The following HOOK3 variants were observed in gnomAD, a reference collection of about 807,000 sequenced individuals.
HOOK3 encodes protein Hook homolog 3.
A neutral mutation model predicts 116.3 loss-of-function variants in HOOK3; 24 were observed. The observed-to-expected ratio is 0.21, with a 90% CI of 0.15 to 0.29. HOOK3 has a LOEUF of 0.29. Among genes scored for constraint, HOOK3 ranks in the 10% least tolerant of loss-of-function variants. The pLI, the probability that HOOK3 is intolerant of heterozygous loss-of-function variation, is 1.00. For synonymous variants in HOOK3, 275 were observed against 283.0 expected (o/e 0.97, Z 0.28); for missense variants, 632 against 830.2 (o/e 0.76, Z 2.93).
chr8:42,947,780 T>G (rs1265200227), intron 5 of HOOK3, among the ~76,000 whole-genome samples: 1 of 152,196 alleles, frequency 6.6e-6, no homozygotes, highest in Non-Finnish European at 1.5e-5. Context: ...ATGAGATACT[T>G]AGCCTGTGTT....
intron 15 of HOOK3, among the ~76,000 whole-genome samples, chr8:42,994,253 T>C (rs1183285695): frequency 1.3e-5 from 2 of 152,062 alleles, no homozygotes; most frequent in Non-Finnish European, 2.9e-5. Context: ...TAACCTCAAG[T>C]GATCCACCCA....
chr8:42,941,332 G>A (rs375452959), intron 4 of HOOK3, among the ~76,000 whole-genome samples: 5 of 150,266 alleles, frequency 3.3e-5, no homozygotes, highest in Non-Finnish European at 7.4e-5. Flanking sequence ...TGGCTAACAC[G>A]GTGAAACCCC....
intron 13 of HOOK3, among the ~76,000 whole-genome samples, chr8:42,982,177 C>T (rs1808961952): frequency 1.3e-5 from 2 of 150,118 alleles, no homozygotes; most frequent in African/African-American, 4.9e-5. Flanking sequence ...ATTGCCTGAC[C>T]CCAGGAGGCA....
Position 43,023,775 on chromosome 8 carries a change from G to A in HOOK3, c.*5277G>A, listed in dbSNP as rs1050974718. ...TGCCCCAGCCTCCTATTTCCTTTTC[G>A]AAAGTAGCAGTTTGGTTTATTCTCG... is the stretch of plus-strand genomic sequence containing the variant. On this transcript the variant is annotated 3_prime_UTR_variant, in exon 22 of 22. Coordinates refer to ENST00000307602, the MANE Select transcript of HOOK3 (RefSeq NM_032410.4). 7 of 197,048 alleles carry A rather than the reference G, an allele frequency of 3.6e-5. No homozygotes were observed. In the East Asian group the frequency reaches 3.9e-4, roughly 11 times the overall value. 12.2% of individuals were successfully genotyped at this position (197,048 alleles called of 1,614,324 possible).
In HOOK3 at chr8:43,025,601, A is replaced by G; in HGVS notation, c.*7103A>G. The G allele has an allele frequency of 4.8e-6, 1 of 210,490 alleles. No homozygotes were observed. The highest frequency in any genetic ancestry group is 9.6e-6 in the Non-Finnish European group (1 of 103,678). 13.0% of individuals were successfully genotyped at this position (210,490 alleles called of 1,614,324 possible). A position where few individuals can be genotyped will look rare whatever the true frequency, so the allele number is the denominator to read the frequency against. ...TTAACTAGGTGCATAATGTAGTTGT[A>G]TATGTTTACTAGTAAAGGGAAAAAC... On this transcript the variant is annotated 3_prime_UTR_variant, in exon 22 of 22. Coordinates refer to ENST00000307602, the MANE Select transcript of HOOK3 (RefSeq NM_032410.4).
intron 1 of HOOK3, among the ~76,000 whole-genome samples, chr8:42,903,140 C>T (rs1291889473): frequency 2.0e-5 from 3 of 152,130 alleles, no homozygotes; most frequent in Admixed American, 6.6e-5. Flanking sequence ...TATTGCACCT[C>T]TACCAGGTGT....
intron 2 of HOOK3, among the ~76,000 whole-genome samples, chr8:42,916,825 C>T (rs575087789): frequency 6.6e-6 from 1 of 152,192 alleles, no homozygotes; most frequent in Admixed American, 6.5e-5. Context: ...ATAACAAAGG[C>T]CAAATGGAGC....
chr8:43,006,099 CA>C (rs1809482784), intron 17 of HOOK3, among the ~76,000 whole-genome samples: 1 of 151,842 alleles, frequency 6.6e-6, no homozygotes, highest in Admixed American at 6.6e-5. Context: ...CGGCTCACTG[CA>C]AGCTCCGCCT....
At position 42,992,447 on chromosome 8, in the gene HOOK3, G is replaced by A. The variant is rs866897291; in HGVS notation, c.1533-5103G>A. Among the ~76,000 whole-genome samples, 4 of 147,916 alleles carry A rather than the reference G, an allele frequency of 2.7e-5. No individual in the cohort carries two copies. The South Asian group carries it at 6.4e-4, about 24-fold the overall frequency. On this transcript the variant is annotated intron_variant, in intron 15 of 21. Coordinates refer to ENST00000307602, the MANE Select transcript of HOOK3 (RefSeq NM_032410.4). ...AGTTACTGATTTTTGGCCAGGTGCG[G>A]TGGCTCTTCCCTGTAATCCCAGCAC...
chr8:42,941,083 A>C (rs1385922473), intron 4 of HOOK3, among the ~76,000 whole-genome samples: 1 of 151,896 alleles, frequency 6.6e-6, no homozygotes, highest in Non-Finnish European at 1.5e-5. Context: ...AGTAGCTAGG[A>C]CCACAGTCTC....
chr8:42,965,537 G>A (rs558807170), intron 9 of HOOK3, among the ~76,000 whole-genome samples: 2 of 152,228 alleles, frequency 1.3e-5, no homozygotes, highest in East Asian at 1.9e-4. Context: ...AAGATAAGAC[G>A]GAAGCACAAA....
Position 42,939,941 on chromosome 8 carries a change from C to T in HOOK3, c.268-3372C>T, listed in dbSNP as rs1473887216. ...AGATGGGATGGCGGCCGGGAAGAGGCGCTCCTCACTTCCTAGATGGGATGG... is the reference window on the plus strand; with the variant it reads ...AGATGGGATGGCGGCCGGGAAGAGGTGCTCCTCACTTCCTAGATGGGATGG... On this transcript the variant is annotated intron_variant, in intron 4 of 21. Coordinates refer to ENST00000307602, the MANE Select transcript of HOOK3 (RefSeq NM_032410.4). Among the ~76,000 whole-genome samples, 13 of 150,882 alleles carry T rather than the reference C, an allele frequency of 8.6e-5. No homozygotes were observed. In the South Asian group the frequency reaches 1.5e-3, roughly 17 times the overall value.
At chr8:42,934,040 C>CTTA (rs778632422) in intron 4 of HOOK3, among the ~76,000 whole-genome samples, 1 of 151,796 alleles carries the variant, frequency 6.6e-6, no homozygotes, top group African/African-American at 2.4e-5. Flanking sequence ...AAATTTTCAT[C>CTTA]TTATTATTAT....
At position 43,018,452 on chromosome 8, in the gene HOOK3, G is replaced by A. The variant is rs1809762270; in HGVS notation, c.2111G>A (p.Ser704Asn). The A allele has an allele frequency of 6.2e-7, 1 of 1,613,714 alleles. No individual in the cohort carries two copies. The highest frequency in any genetic ancestry group is 1.3e-5 in the African/African-American group (1 of 74,922). ...FLARQRQATS[S>N]RRSYPGHVQP... ...GCGAGGCAGAGGCAAGCGACCAGCA[G>A]CAGAAGATCATACCCAGGCCACGTG... is the stretch of plus-strand genomic sequence containing the variant. Residue 704 changes from serine (S) to asparagine (N), a missense_variant, in exon 22 of 22, where the codon AGC becomes AAC. Transcript: ENST00000307602.
chr8:42,992,200 A>C (rs897003275), intron 15 of HOOK3, among the ~76,000 whole-genome samples: 3 of 127,998 alleles, frequency 2.3e-5, no homozygotes, highest in Non-Finnish European at 5.1e-5. Flanking sequence ...GGAGATTGAG[A>C]CCATCCTGGC....
intron 17 of HOOK3, among the ~76,000 whole-genome samples, chr8:43,004,804 G>A (rs566427226): frequency 7.4e-4 from 113 of 151,718 alleles, no homozygotes; most frequent in African/African-American, 2.7e-3. Flanking sequence ...CTCATCCATT[G>A]CTGGTAGGAG....
chr8:43,010,299 C>T lies in HOOK3; in HGVS notation c.1739-6C>T, dbSNP rs770762576. ...ATATATATATTTTACTGTGTCTCAT[C>T]TGCAGCCTTAAAAATTGAAGAATTA... On this transcript the variant is annotated splice_region_variant and splice_polypyrimidine_tract_variant and intron_variant, in intron 18 of 21. Coordinates refer to ENST00000307602, the MANE Select transcript of HOOK3 (RefSeq NM_032410.4). 5.8e-6 allele frequency: 7 copies of T among 1,202,092 alleles called. No individual in the cohort carries two copies. In the African/African-American group the frequency reaches 9.5e-5, roughly 16 times the overall value. 74.5% of individuals were successfully genotyped at this position (1,202,092 alleles called of 1,614,324 possible).
At chr8:42,990,638 G>A (rs1809142691) in intron 15 of HOOK3, among the ~76,000 whole-genome samples, 1 of 151,990 alleles carries the variant, frequency 6.6e-6, no homozygotes, top group East Asian at 1.9e-4. Flanking sequence ...ACCATGCCCA[G>A]CTCTCCTTGT....
intron 1 of HOOK3, among the ~76,000 whole-genome samples, chr8:42,900,229 A>T (rs1285746727): frequency 6.6e-6 from 1 of 152,218 alleles, no homozygotes; most frequent in Non-Finnish European, 1.5e-5. Context: ...GTTCAGCAGG[A>T]CATGCTTGAA....
Sources: allele counts gnomAD v4.1 joint callset (sites outside exome capture counted in the v4.1 genomes callset), GRCh38; gene constraint gnomAD v4.1.1; transcripts MANE v1.5; gene names NCBI Gene and HGNC (gene_info 2026-07-23, HGNC 2026-07-21).